Variants in PRKN observed in about 807,000 individuals in gnomAD.
PRKN encodes the protein E3 ubiquitin-protein ligase parkin.
In PRKN, 56 loss-of-function variants were observed where a neutral mutation model predicts 59.5. The ratio of observed to expected loss-of-function variants is 0.94; its 90% CI spans 0.76 to 1.18. The LOEUF (loss-of-function observed/expected upper bound fraction) is 1.18, where lower values mean the gene tolerates loss of function less well. PRKN is among the 50% of genes most tolerant of loss of function. The probability of loss-of-function intolerance (pLI) is 0.00; values close to 1 mark genes in which losing one functional copy is unlikely to be tolerated. For synonymous variants in PRKN, 250 were observed against 222.1 expected (o/e 1.13, Z -1.12); for missense variants, 657 against 596.4 (o/e 1.10, Z -1.06).
intron 7 of PRKN, among the ~76,000 whole-genome samples, chr6:161,700,255 A>T (rs1222991614): frequency 6.6e-6 from 1 of 151,930 alleles, no homozygotes; most frequent in East Asian, 1.9e-4. Flanking sequence ...GGGTCTTCTT[A>T]TTAGAAGTTC....
chr6:162,496,789 C>A (rs754998608), intron 1 of PRKN, among the ~76,000 whole-genome samples: 40 of 152,166 alleles, frequency 2.6e-4, no homozygotes, highest in Non-Finnish European at 4.1e-4. Flanking sequence ...ACACTTTAGA[C>A]GCAATTGATA....
chr6:162,536,693 C>T (rs986936855), intron 1 of PRKN, among the ~76,000 whole-genome samples: 2 of 152,076 alleles, frequency 1.3e-5, no homozygotes, highest in African/African-American at 4.8e-5. Context: ...GCTACCTGAG[C>T]AGAAAAGCTC....
intron 1 of PRKN, among the ~76,000 whole-genome samples, chr6:162,461,554 C>CA (rs1366342882): frequency 1.7e-5 from 1 of 57,650 alleles, no homozygotes; most frequent in Admixed American, 1.7e-4. Context: ...GAAAAGAAAA[C>CA]AAAAAAAGAA....
intron 2 of PRKN, among the ~76,000 whole-genome samples, chr6:162,289,334 C>T (rs1781326564): frequency 6.6e-6 from 1 of 152,092 alleles, no homozygotes; most frequent in Admixed American, 6.5e-5. Context: ...AATGACCACA[C>T]TTTCACTTGA....
intron 7 of PRKN, among the ~76,000 whole-genome samples, chr6:161,595,006 A>C (rs576223091): frequency 6.6e-6 from 1 of 152,340 alleles, no homozygotes; most frequent in Non-Finnish European, 1.5e-5. Flanking sequence ...GCAAAATCCA[A>C]TGGAAAATGT....
chr6:161,350,039 G>T lies in PRKN; in HGVS notation c.*60C>A, dbSNP rs553007666. 40 of 1,036,640 alleles carry T rather than the reference G, an allele frequency of 3.9e-5. No homozygotes were observed. The African/African-American group carries it at 4.2e-4, about 11-fold the overall frequency. 64.2% of individuals were successfully genotyped at this position (1,036,640 alleles called of 1,614,324 possible). On this transcript the variant is annotated 3_prime_UTR_variant, in exon 12 of 12. Transcript: ENST00000366898. ...GTGTTTGAAAAGAGAATTAGAAAAT[G>T]AAGGTAGACACTGGGTATGCTCCCC...
chr6:162,308,749 T>C (rs1235727577), intron 2 of PRKN, among the ~76,000 whole-genome samples: 2 of 152,136 alleles, frequency 1.3e-5, no homozygotes, highest in African/African-American at 4.8e-5. Flanking sequence ...CCAAGCCCCA[T>C]GAAAGACAAG....
At chr6:161,911,463 C>T (rs1478713251) in intron 6 of PRKN, among the ~76,000 whole-genome samples, 2 of 152,306 alleles carry the variant, frequency 1.3e-5, no homozygotes, top group African/African-American at 4.8e-5. Flanking sequence ...GTTTTCTAGG[C>T]CATTTCTATC....
intron 7 of PRKN, among the ~76,000 whole-genome samples, chr6:161,776,501 G>A (rs1482108107): frequency 6.6e-6 from 1 of 152,166 alleles, no homozygotes; most frequent in Non-Finnish European, 1.5e-5. Context: ...CATGGGCAGA[G>A]GGAGTATTTT....
chr6:161,655,866 GCACACACACACACACACATACACACA>G lies in PRKN; in HGVS notation c.872-86476_872-86451del, dbSNP rs1159580513. Among the ~76,000 whole-genome samples, 591 of 136,496 alleles carry G rather than the reference GCACACACACACACACACATACACACA, an allele frequency of 4.3e-3. 5 individuals carry two copies. The highest frequency in any genetic ancestry group is 0.014 in the African/African-American group (529 of 38,040). The allele number at this position is 136,496 out of a possible 152,430, so 89.5% of individuals were successfully genotyped here. On this transcript the variant is annotated intron_variant, in intron 7 of 11. Coordinates refer to ENST00000366898, the MANE Select transcript of PRKN (RefSeq NM_004562.3). ...ACCACACAGGCATATCAACACACATGCACACACACACACACACATACACACACACACACACACACACACACACACAC... is the reference window on the plus strand; with the variant it reads ...ACCACACAGGCATATCAACACACATGCACACACACACACACACACACACAC...
At chr6:161,820,490 T>C (rs1472937635) in intron 6 of PRKN, among the ~76,000 whole-genome samples, 1 of 148,140 alleles carries the variant, frequency 6.8e-6, no homozygotes, top group African/African-American at 2.4e-5. Context: ...TAAATATTTA[T>C]ATAATATATA....
At chr6:162,069,793 T>C (rs1778496984) in intron 4 of PRKN, among the ~76,000 whole-genome samples, 1 of 152,196 alleles carries the variant, frequency 6.6e-6, no homozygotes, top group Non-Finnish European at 1.5e-5. Flanking sequence ...TAAGAGAAGA[T>C]CTTAAGAAGA....
In PRKN at chr6:161,742,817, T is replaced by C. The variant is rs528540342; in HGVS notation, c.871+42955A>G. ...TTTTGACAGAGGAGGAGGCAAAACC[T>C]GGACCACACAGCTGGTGAATGCCCA... On this transcript the variant is annotated intron_variant, in intron 7 of 11. Transcript: ENST00000366898. Among the ~76,000 whole-genome samples, 304 of 152,304 alleles carry C rather than the reference T, an allele frequency of 2.0e-3. 1 individual carries two copies. The highest frequency in any genetic ancestry group is 2.6e-3 in the Non-Finnish European group (180 of 68,026).
In PRKN at chr6:161,554,471, A is replaced by T. The variant is rs1324183285; in HGVS notation, c.934-5468T>A. On this transcript the variant is annotated intron_variant, in intron 8 of 11. Transcript: ENST00000366898. The surrounding 1 kb of genome is among the most constrained non-coding windows in gnomAD (Gnocchi z 4.5). The stretch of plus-strand genomic sequence containing the variant: ...CCATCAGTACTTATGTTGATGGTTG[A>T]TGTTTTCCCAGTAATTTTGATTGCT... Among the ~76,000 whole-genome samples, 1 of 151,228 alleles carries T rather than the reference A, an allele frequency of 6.6e-6. No individual in the cohort carries two copies. Among genetic ancestry groups the T allele is most frequent in the Admixed American group, 6.6e-5 (1 of 15,162 alleles).
At chr6:161,365,309 A>C (rs1223077590) in intron 10 of PRKN, among the ~76,000 whole-genome samples, 1 of 152,196 alleles carries the variant, frequency 6.6e-6, no homozygotes, top group Non-Finnish European at 1.5e-5. Context: ...GAGTCTTAGC[A>C]CTTATCTGGG....
intron 7 of PRKN, among the ~76,000 whole-genome samples, chr6:161,580,205 T>G (rs534743304): frequency 6.6e-6 from 1 of 152,320 alleles, no homozygotes; most frequent in East Asian, 1.9e-4. Context: ...GAATTAGTAA[T>G]TATTCTTTAT....
At chr6:161,824,523 G>A (rs530995336) in intron 6 of PRKN, among the ~76,000 whole-genome samples, 5 of 152,234 alleles carry the variant, frequency 3.3e-5, no homozygotes, top group Non-Finnish European at 7.4e-5. Flanking sequence ...ATGAAGTTGC[G>A]TGATTTATAC....
intron 9 of PRKN, among the ~76,000 whole-genome samples, chr6:161,543,456 C>G (rs562506352): frequency 6.6e-6 from 1 of 152,072 alleles, no homozygotes; most frequent in Non-Finnish European, 1.5e-5. Flanking sequence ...GGAAAGGGTC[C>G]ATGCAAGTGA....
In PRKN at chr6:161,756,446, A is replaced by G. The variant is rs1018646895; in HGVS notation, c.871+29326T>C. Among the ~76,000 whole-genome samples the G allele has an allele frequency of 7.6e-3, 1,043 of 136,756 alleles. 87 individuals are homozygous for G. Among genetic ancestry groups the G allele is most frequent in the African/African-American group, 0.02 (690 of 34,200 alleles). The allele number at this position is 136,756 out of a possible 152,430, so 89.7% of individuals were successfully genotyped here. On this transcript the variant is annotated intron_variant, in intron 7 of 11. Transcript: ENST00000366898. ...GACAGAGTGAAACCTTGTCTCGAAA[A>G]AAAAAAAAAAAAAAAAAAAAAAAAC...
Sources: gnomAD v4.1 joint callset for allele counts (sites outside exome capture counted in the v4.1 genomes callset) on GRCh38, gnomAD v4.1.1 for gene constraint, Gnocchi (gnomAD v3.1) non-coding constraint, MANE v1.5 for transcripts, NCBI Gene and HGNC (gene_info 2026-07-23, HGNC 2026-07-21) for gene names.